Variants in TTC38 observed in about 807,000 individuals in gnomAD.
TTC38 encodes tetratricopeptide repeat domain 38, also known as tetratricopeptide repeat protein 38.
A neutral mutation model predicts 64.2 loss-of-function variants in TTC38; 64 were observed. The observed-to-expected ratio is 1.00, with a 90% CI of 0.81 to 1.23. The LOEUF (loss-of-function observed/expected upper bound fraction) is 1.23, where lower values mean the gene tolerates loss of function less well. Among genes scored for constraint, TTC38 ranks in the 50% most tolerant of loss-of-function variants. The pLI is 0.00. For missense variants in TTC38, 573 were observed against 615.5 expected, an observed-to-expected ratio of 0.93 and a Z score of 0.73; for synonymous variants, 254 against 249.3, an observed-to-expected ratio of 1.02 and a Z score of -0.18.
intron 10 of TTC38, 103 bp from the exon 11 acceptor site, chr22:46,288,320 G>A: frequency 1.6e-6 from 2 of 1,244,010 alleles, no homozygotes; most frequent in Non-Finnish European, 2.3e-6. Context: ...ACCTGGGACA[G>A]GGTCATCAAG....
chr22:46,280,164 T>C, intron 6 of TTC38: 1 of 471,182 alleles, frequency 2.1e-6, no homozygotes, highest in Non-Finnish European at 4.4e-6. Flanking sequence ...ACACATGGGC[T>C]CTGTGTCTGC....
chr22:46,273,795 C>A lies in TTC38; in HGVS notation c.194-103C>A. The A allele has an allele frequency of 8.5e-7, 1 of 1,180,816 alleles. No individual in the cohort carries two copies. The highest frequency in any genetic ancestry group is 1.4e-5 in the South Asian group (1 of 69,244). The allele number at this position is 1,180,816 out of a possible 1,614,324, so 73.1% of individuals were successfully genotyped here. Reference sequence around the variant, plus strand: ...GCCCAGCCTGCTGCTGCCTGGCTGGCCCCTCCTGGGACGTGGGGTGTCTCT... The same window carrying A: ...GCCCAGCCTGCTGCTGCCTGGCTGGACCCTCCTGGGACGTGGGGTGTCTCT... On this transcript the variant is annotated intron_variant, in intron 3 of 13. Transcript: ENST00000381031. This position sits in a 1 kb window ranked among gnomAD's most constrained non-coding sequence, Gnocchi z 5.1.
intron 1 of TTC38, 133 bp from the exon 2 acceptor site, chr22:46,268,381 C>T: frequency 1.0e-6 from 1 of 980,300 alleles, no homozygotes; most frequent in Non-Finnish European, 1.5e-6. Context: ...TGGAACCGGC[C>T]CAGGACTGGG....
rs184288263 is a variant in TTC38, at chr22:46,287,327, C to G, written c.916+173C>G. On this transcript the variant is annotated intron_variant, in intron 10 of 13. Coordinates refer to ENST00000381031, the MANE Select transcript of TTC38 (RefSeq NM_017931.4). ...CGTTCTGCAGCTGCCTCCCAGCTGG[C>G]CCAAAGCTGGAGAGGGTGTCCAGGC... 2.6e-3 allele frequency among the ~76,000 whole-genome samples: 394 copies of G among 152,320 alleles called. 2 individuals carry two copies. Among genetic ancestry groups the G allele is most frequent in the African/African-American group, 8.8e-3 (365 of 41,568 alleles).
In TTC38 at chr22:46,274,313, A is replaced by T. The variant is rs1451764098; in HGVS notation, c.365+244A>T. Reference sequence around the variant, plus strand: ...TGTCCAAAGTAACTTGCTTTGTTTCATTAAGTAAATTATATATTATTTTCC... The same window carrying T: ...TGTCCAAAGTAACTTGCTTTGTTTCTTTAAGTAAATTATATATTATTTTCC... On this transcript the variant is annotated intron_variant, in intron 4 of 13. Coordinates refer to ENST00000381031, the MANE Select transcript of TTC38 (RefSeq NM_017931.4). The surrounding 1 kb of genome is among the most constrained non-coding windows in gnomAD (Gnocchi z 4.8). Among the ~76,000 whole-genome samples the T allele has an allele frequency of 6.6e-6, 1 of 152,234 alleles. No individual in the cohort carries two copies. Among genetic ancestry groups the T allele is most frequent in the African/African-American group, 2.4e-5 (1 of 41,450 alleles).
In TTC38 at chr22:46,270,278, A is replaced by C. The variant is rs772418973; in HGVS notation, c.111+1687A>C. On this transcript the variant is annotated intron_variant, in intron 2 of 13. Coordinates refer to ENST00000381031, the MANE Select transcript of TTC38 (RefSeq NM_017931.4). This position sits in a 1 kb window ranked among gnomAD's most constrained non-coding sequence, Gnocchi z 4.7. Reference sequence around the variant, plus strand: ...GCTTGCGTAGCTTATAGTCTCAGCTATTTGGGAGGCTGAGGCAGGGGGATT... The same window carrying C: ...GCTTGCGTAGCTTATAGTCTCAGCTCTTTGGGAGGCTGAGGCAGGGGGATT... 1.4e-4 allele frequency among the ~76,000 whole-genome samples: 22 copies of C among 152,088 alleles called. No homozygotes were observed. Among genetic ancestry groups the C allele is most frequent in the Non-Finnish European group, 2.9e-4 (20 of 68,030 alleles).
rs1196657014 is a variant in TTC38, at chr22:46,288,554, C to A, written c.1048C>A (p.Gln350Lys). Residue 350 changes from glutamine to lysine, a missense_variant, in exon 11 of 14, where the codon CAG becomes AAG. This residue lies in a region of TTC38 where 371 missense variants were observed against 381.8 expected (regional missense o/e 0.97). Transcript: ENST00000381031. ...SLGAHDPQTT[Q>K]ELLTTLRDAS... is the part of the protein sequence containing the mutation. ...GGGTGCACACGACCCCCAGACCACA[C>A]AGGAGCTGCTGACCACCCTGCGGGA... 1 of 1,613,770 alleles carries A rather than the reference C, an allele frequency of 6.2e-7. No homozygotes were observed.
At position 46,291,913 on chromosome 22, in the gene TTC38, G is replaced by A. The variant is rs766567970; in HGVS notation, c.1317-878G>A. ...GGAGGTTGCAGTGAGCCGAGATCGC[G>A]TCATTGCACTCCAGCCTGAGTGACC... On this transcript the variant is annotated intron_variant, in intron 13 of 13. Coordinates refer to ENST00000381031, the MANE Select transcript of TTC38 (RefSeq NM_017931.4). The surrounding 1 kb of genome is among the most constrained non-coding windows in gnomAD (Gnocchi z 4.6). 7.9e-5 allele frequency among the ~76,000 whole-genome samples: 12 copies of A among 152,274 alleles called. No homozygotes were observed. Among genetic ancestry groups the A allele is most frequent in the African/African-American group, 1.9e-4 (8 of 41,552 alleles).
chr22:46,268,190 G>A (rs2147780991), intron 1 of TTC38, 118 bp downstream of exon 1: 1 of 1,134,046 alleles, frequency 8.8e-7, no homozygotes, highest in South Asian at 1.6e-5. Context: ...TGAGCCCTGG[G>A]CGCACGGGCG....
intron 8 of TTC38, 98 bp downstream of exon 8, chr22:46,284,130 C>A: frequency 4.0e-6 from 4 of 991,056 alleles, no homozygotes; most frequent in South Asian, 2.8e-5. Context: ...TCCGTTGGAG[C>A]CCTGATGCAA....
rs1936958003 is a variant in TTC38 at position 46,274,142 on chromosome 22, T to C, written c.365+73T>C. On this transcript the variant is annotated intron_variant, in intron 4 of 13. Transcript: ENST00000381031. The surrounding 1 kb of genome is among the most constrained non-coding windows in gnomAD (Gnocchi z 4.8). The stretch of plus-strand genomic sequence containing the variant: ...GGGGAGTGGCAGGGTATCCCTTTCC[T>C]GATGCCCTTGGGACGGGGGCGGGGT... 2.2e-6 allele frequency: 2 copies of C among 926,528 alleles called. No homozygotes were observed. The highest frequency in any genetic ancestry group is 3.2e-6 in the Non-Finnish European group (2 of 630,288). The allele number at this position is 926,528 out of a possible 1,614,324, so 57.4% of individuals were successfully genotyped here. A position where few individuals can be genotyped will look rare whatever the true frequency, so the allele number is the denominator to read the frequency against.
Position 46,289,352 on chromosome 22 carries a change from G to A in TTC38, c.1083-50G>A, listed in dbSNP as rs6008534. The A allele has an allele frequency of 0.04, 63,810 of 1,584,126 alleles. 3,293 individuals are homozygous for A. Among genetic ancestry groups the A allele is most frequent in the African/African-American group, 0.26 (19,211 of 74,696 alleles). On this transcript the variant is annotated intron_variant, in intron 11 of 13. Coordinates refer to ENST00000381031, the MANE Select transcript of TTC38 (RefSeq NM_017931.4). ...AGGAAGAAATGGCTCTGCCCTTCCC[G>A]GATGTTCTGTGATGGGCAGGCAGCT...
At position 46,271,305 on chromosome 22, in the gene TTC38, T is replaced by C. The variant is rs1421361682; in HGVS notation, c.112-1030T>C. Among the ~76,000 whole-genome samples the C allele has an allele frequency of 6.6e-6, 1 of 150,774 alleles. No individual in the cohort carries two copies. Among genetic ancestry groups the C allele is most frequent in the Admixed American group, 6.6e-5 (1 of 15,154 alleles). ...GCCCAGGCTGGAGTGCAGTGGCGCC[T>C]GGGTTCACGCCATTCTCCTGCCTCA... is the stretch of plus-strand genomic sequence containing the variant. On this transcript the variant is annotated intron_variant, in intron 2 of 13. Coordinates refer to ENST00000381031, the MANE Select transcript of TTC38 (RefSeq NM_017931.4). This position sits in a 1 kb window ranked among gnomAD's most constrained non-coding sequence, Gnocchi z 5.5.
At chr22:46,284,101 C>A in intron 8 of TTC38, 69 bp downstream of exon 8, 3 of 1,366,540 alleles carry the variant, frequency 2.2e-6, no homozygotes, top group Non-Finnish European at 3.1e-6. Context: ...ATTTTTCTAG[C>A]TTTTGCTATG....
Position 46,291,634 on chromosome 22 carries a change from TAGTC to T in TTC38, c.1317-1153_1317-1150del, listed in dbSNP as rs2077616564. 6.6e-6 allele frequency among the ~76,000 whole-genome samples: 1 copy of T among 152,096 alleles called. No individual in the cohort carries two copies. Among genetic ancestry groups the T allele is most frequent in the Non-Finnish European group, 1.5e-5 (1 of 68,006 alleles). On this transcript the variant is annotated intron_variant, in intron 13 of 13. Transcript: ENST00000381031. The surrounding 1 kb of genome is among the most constrained non-coding windows in gnomAD (Gnocchi z 4.6). Reference sequence around the variant, plus strand: ...GTTTTCAGGTGTTTGGGGGCTGTCTTAGTCAGTTTGGGTTGTTATTTTAAAAGTG... The same window carrying T: ...GTTTTCAGGTGTTTGGGGGCTGTCTTAGTTTGGGTTGTTATTTTAAAAGTG...
Position 46,281,803 on chromosome 22 carries a change from C to G in TTC38, c.735+85C>G, listed in dbSNP as rs887980504. On this transcript the variant is annotated intron_variant, in intron 7 of 13. Coordinates refer to ENST00000381031, the MANE Select transcript of TTC38 (RefSeq NM_017931.4). This position sits in a 1 kb window ranked among gnomAD's most constrained non-coding sequence, Gnocchi z 5.2. Reference sequence around the variant, plus strand: ...GCCAAGGCTTTATGGACAAGAGTTACAGGGCATGGCTTAATTCTCGGGGTT... The same window carrying G: ...GCCAAGGCTTTATGGACAAGAGTTAGAGGGCATGGCTTAATTCTCGGGGTT... The G allele has an allele frequency of 7.7e-6, 12 of 1,565,336 alleles. No homozygotes were observed. Among genetic ancestry groups the G allele is most frequent in the Non-Finnish European group, 9.6e-6 (11 of 1,142,388 alleles).
intron 10 of TTC38, 128 bp from the exon 11 acceptor site, chr22:46,288,295 C>A: frequency 1.1e-6 from 1 of 944,000 alleles, no homozygotes; most frequent in Non-Finnish European, 1.6e-6. Context: ...GCCCTGCCCA[C>A]CTCCCCGGCC....
rs2077530569 is a variant in TTC38, at chr22:46,281,035, G to A, written c.616-564G>A. 6.6e-6 allele frequency among the ~76,000 whole-genome samples: 1 copy of A among 152,230 alleles called. No individual in the cohort carries two copies. The highest frequency in any genetic ancestry group is 6.5e-5 in the Admixed American group (1 of 15,284). On this transcript the variant is annotated intron_variant, in intron 6 of 13. Transcript: ENST00000381031. This position sits in a 1 kb window ranked among gnomAD's most constrained non-coding sequence, Gnocchi z 5.2. ...GCTGTCAAGCTCACAGGTCATGGGA[G>A]CGGCTGTTGTCATGAACTGTGATAA...
Position 46,273,013 on chromosome 22 carries a change from T to C in TTC38, c.193+597T>C. ...AAGGTCTGATGAGGGGACAGGGCTC[T>C]TGTCAGTGCGGCAGGGACACCCTTC... On this transcript the variant is annotated intron_variant, in intron 3 of 13. Transcript: ENST00000381031. This position sits in a 1 kb window ranked among gnomAD's most constrained non-coding sequence, Gnocchi z 5.1. Among the ~76,000 whole-genome samples the C allele has an allele frequency of 6.6e-6, 1 of 152,134 alleles. No individual in the cohort carries two copies. The highest frequency in any genetic ancestry group is 1.5e-5 in the Non-Finnish European group (1 of 68,004).
Sources: gnomAD v4.1 joint callset for allele counts (sites outside exome capture counted in the v4.1 genomes callset) on GRCh38, gnomAD v4.1.1 for gene constraint, gnomAD v4.1.1 regional missense constraint, Gnocchi (gnomAD v3.1) non-coding constraint, MANE v1.5 for transcripts, NCBI Gene and HGNC (gene_info 2026-07-23, HGNC 2026-07-21) for gene names.